The following NCAM1 variants were observed in gnomAD, a reference collection of about 807,000 sequenced individuals.
NCAM1 encodes the protein antigen recognized by monoclonal antibody 5.1H11.
A neutral mutation model predicts 109.8 loss-of-function variants in NCAM1; 14 were observed. The ratio of observed to expected loss-of-function variants is 0.13; its 90% CI spans 0.08 to 0.20. The LOEUF (loss-of-function observed/expected upper bound fraction) is 0.20. Ranked by LOEUF, NCAM1 falls within the 10% of genes least tolerant of loss-of-function variation. The pLI is 1.00. For missense variants in NCAM1, 774 were observed against 1,109.9 expected, an observed-to-expected ratio of 0.70 and a Z score of 4.30; for synonymous variants, 418 against 442.9, an observed-to-expected ratio of 0.94 and a Z score of 0.70.
At chr11:113,200,596 C>G (rs1555111668) in intron 1 of NCAM1, among the ~76,000 whole-genome samples, 1 of 152,084 alleles carries the variant, frequency 6.6e-6, no homozygotes, top group African/African-American at 2.4e-5. Context: ...TAGAAGTGAC[C>G]ATAGGAAAGT....
intron 8 of NCAM1, among the ~76,000 whole-genome samples, chr11:113,220,700 G>A (rs150230874): frequency 0.011 from 1,617 of 145,164 alleles, 22 homozygotes; most frequent in African/African-American, 0.031. Context: ...TCTGCCTTCC[G>A]GGTTCACGCC....
chr11:113,100,147 C>A (rs75848169), intron 1 of NCAM1, among the ~76,000 whole-genome samples: 7,575 of 152,222 alleles, frequency 0.05, 605 homozygotes, highest in Admixed American at 0.16. Context: ...CATCTCTTAA[C>A]TCATCCTGGG....
chr11:113,188,408 T>G (rs1943577230), intron 1 of NCAM1, among the ~76,000 whole-genome samples: 1 of 152,214 alleles, frequency 6.6e-6, no homozygotes, highest in Admixed American at 6.5e-5. Context: ...AATTACAGCC[T>G]TGGCTGTCTG....
At chr11:113,057,699 C>T (rs1189674487) in intron 1 of NCAM1, among the ~76,000 whole-genome samples, 1 of 152,090 alleles carries the variant, frequency 6.6e-6, no homozygotes, top group Non-Finnish European at 1.5e-5. Flanking sequence ...TCATAGATAA[C>T]CCCTAGTTTC....
chr11:113,113,223 C>T (rs1257269206), intron 1 of NCAM1, among the ~76,000 whole-genome samples: 7 of 152,268 alleles, frequency 4.6e-5, no homozygotes, highest in Middle Eastern at 3.4e-3. Context: ...ATCCTCTGAC[C>T]TAGTAGAAAG....
At position 113,255,868 on chromosome 11, in the gene NCAM1, C is replaced by A. The variant is rs1002788000; in HGVS notation, c.1829-9C>A. The A allele has an allele frequency of 5.0e-6, 8 of 1,612,016 alleles. No homozygotes were observed. In the African/African-American group the frequency reaches 8.0e-5, roughly 16 times the overall value. On this transcript the variant is annotated splice_polypyrimidine_tract_variant and intron_variant, in intron 15 of 19. Coordinates refer to ENST00000316851, the MANE Select transcript of NCAM1 (RefSeq NM_181351.5). ...TGAGAATTTCATGTGAATTAACTGG[C>A]TGTTTCAGGGGAACCCAGTGCACCT...
rs1385070790 is a variant in NCAM1 at position 112,999,161 on chromosome 11, C to T, written c.52+37497C>T. The stretch of plus-strand genomic sequence containing the variant: ...AAATAGTGTGATGAATTTTATAGGC[C>T]TCCCTCTGATATTGTATGTAATACT... On this transcript the variant is annotated intron_variant, in intron 1 of 19. Coordinates refer to ENST00000316851, the MANE Select transcript of NCAM1 (RefSeq NM_181351.5). Among the ~76,000 whole-genome samples, 4 of 152,064 alleles carry T rather than the reference C, an allele frequency of 2.6e-5. No homozygotes were observed. The East Asian group carries it at 5.8e-4, about 22-fold the overall frequency.
intron 1 of NCAM1, among the ~76,000 whole-genome samples, chr11:113,194,269 A>C (rs75441873): frequency 0.01 from 1,595 of 152,276 alleles, 6 homozygotes; most frequent in Non-Finnish European, 0.016. Context: ...TTTCTTCCTG[A>C]CTGTAATATT....
intron 17 of NCAM1, chr11:113,263,313 G>A (rs1946059857): frequency 9.9e-7 from 1 of 1,006,982 alleles, no homozygotes; most frequent in Non-Finnish European, 1.2e-6. Flanking sequence ...TCTAAAGCTT[G>A]TGTCAGATTG....
intron 1 of NCAM1, among the ~76,000 whole-genome samples, chr11:113,178,677 A>C (rs1325321954): frequency 4.6e-5 from 7 of 152,220 alleles, no homozygotes; most frequent in Non-Finnish European, 1.0e-4. Flanking sequence ...AGCTCATTGC[A>C]AAAAGAAAGA....
At chr11:113,124,604 G>C (rs1024776152) in intron 1 of NCAM1, among the ~76,000 whole-genome samples, 7 of 152,150 alleles carry the variant, frequency 4.6e-5, no homozygotes, top group Non-Finnish European at 5.9e-5. Flanking sequence ...GGAAACTGAG[G>C]TGTATTTCAT....
At chr11:113,017,126 T>TTC (rs1214519264) in intron 1 of NCAM1, among the ~76,000 whole-genome samples, 1 of 152,198 alleles carries the variant, frequency 6.6e-6, no homozygotes, top group East Asian at 1.9e-4. Flanking sequence ...TCCTTGACTC[T>TTC]TCAGCAGTTT....
intron 9 of NCAM1, among the ~76,000 whole-genome samples, chr11:113,223,479 CG>C (rs1381003692): frequency 1.3e-5 from 2 of 152,046 alleles, no homozygotes; most frequent in Non-Finnish European, 2.9e-5. Context: ...TGGCTGTTCA[CG>C]CAACTGTTTT....
chr11:113,178,977 A>G (rs933712524), intron 1 of NCAM1, among the ~76,000 whole-genome samples: 1 of 152,226 alleles, frequency 6.6e-6, no homozygotes, highest in African/African-American at 2.4e-5. Context: ...CAGGCAGGAC[A>G]GTATTATGCC....
intron 15 of NCAM1, among the ~76,000 whole-genome samples, chr11:113,253,757 C>G (rs1555121828): frequency 6.6e-6 from 1 of 152,198 alleles, no homozygotes; most frequent in African/African-American, 2.4e-5. Context: ...CTATAAAAAT[C>G]CCCTCCAGGC....
At chr11:113,009,311 G>GGTTTTTTTGTTGTT (rs1192369836) in intron 1 of NCAM1, among the ~76,000 whole-genome samples, 1,258 of 90,268 alleles carry the variant, frequency 0.014, 74 homozygotes, top group African/African-American at 0.039. Flanking sequence ...GGTTTTTTCG[G>GGTTTTTTTGTTGTT]GTTTTTTTTT....
At chr11:112,996,059 A>G (rs1555071388) in intron 1 of NCAM1, among the ~76,000 whole-genome samples, 2 of 152,154 alleles carry the variant, frequency 1.3e-5, no homozygotes, top group Non-Finnish European at 2.9e-5. Context: ...ATTTTTTTTA[A>G]AAGTCATTAA....
At chr11:113,176,307 G>C (rs1555107012) in intron 1 of NCAM1, among the ~76,000 whole-genome samples, 1 of 152,188 alleles carries the variant, frequency 6.6e-6, no homozygotes, top group Non-Finnish European at 1.5e-5. Context: ...GGAGTTCTCT[G>C]TCGCCTTTTA....
intron 1 of NCAM1, among the ~76,000 whole-genome samples, chr11:113,120,115 G>A (rs1940895371): frequency 1.3e-5 from 2 of 152,176 alleles, no homozygotes; most frequent in African/African-American, 4.8e-5. Context: ...CCTTGACTGT[G>A]CCAGGTTGGA....
Sources: gnomAD v4.1 joint callset for allele counts (sites outside exome capture counted in the v4.1 genomes callset) on GRCh38, gnomAD v4.1.1 for gene constraint, MANE v1.5 for transcripts, NCBI Gene and HGNC (gene_info 2026-07-23, HGNC 2026-07-21) for gene names.